Variants in SLC30A8 observed in about 807,000 individuals in gnomAD.
SLC30A8 encodes proton-coupled zinc antiporter SLC30A8.
A neutral mutation model predicts 36.9 loss-of-function variants in SLC30A8; 27 were observed. The observed-to-expected ratio is 0.73, with a 90% CI of 0.54 to 1.01. SLC30A8 has a LOEUF of 1.01. Among genes scored for constraint, SLC30A8 ranks in the 50% least tolerant of loss-of-function variants. SLC30A8 has a pLI of 0.00. For synonymous variants in SLC30A8, 164 were observed against 172.4 expected, an observed-to-expected ratio of 0.95 and a Z score of 0.38; for missense variants, 439 against 452.0, an observed-to-expected ratio of 0.97 and a Z score of 0.26.
intron 2 of SLC30A8, among the ~76,000 whole-genome samples, chr8:117,087,623 A>G (rs1043613980): frequency 7.9e-5 from 12 of 151,326 alleles, no homozygotes; most frequent in African/African-American, 2.7e-4. Flanking sequence ...AGTTTCTGGA[A>G]CTCCAATCTT....
intron 1 of SLC30A8, among the ~76,000 whole-genome samples, chr8:117,143,665 A>AACACACAC (rs58613241): frequency 0.31 from 45,934 of 146,032 alleles, 7,970 homozygotes; most frequent in East Asian, 0.55. Context: ...TCTCCCATAA[A>AACACACAC]ACACACACAC....
intron 2 of SLC30A8, among the ~76,000 whole-genome samples, chr8:117,113,583 C>T (rs1820323247): frequency 6.6e-6 from 1 of 152,120 alleles, no homozygotes; most frequent in African/African-American, 2.4e-5. Flanking sequence ...TAACAATTGC[C>T]TGCATTGTGA....
At chr8:117,152,259 T>G (rs1480014879) in intron 2 of SLC30A8, among the ~76,000 whole-genome samples, 1 of 151,812 alleles carries the variant, frequency 6.6e-6, no homozygotes, top group Non-Finnish European at 1.5e-5. Flanking sequence ...AGGCTGGAGG[T>G]CTTTTCTCAA....
rs1390713341 is a variant in SLC30A8, at chr8:117,150,289, T to C, written c.272-2655T>C. ...CCAGCAATGGGACACATGGCTAACG[T>C]TGTCAGATAAACATTCTTTCATTGC... On this transcript the variant is annotated intron_variant, in intron 2 of 7. Transcript: ENST00000456015. Among the ~76,000 whole-genome samples the C allele has an allele frequency of 2.6e-5, 4 of 152,194 alleles. No individual in the cohort carries two copies. The South Asian group carries it at 8.3e-4, about 32-fold the overall frequency.
At chr8:117,170,778 T>TA (rs1823335485) in intron 6 of SLC30A8, among the ~76,000 whole-genome samples, 1 of 152,192 alleles carries the variant, frequency 6.6e-6, no homozygotes, top group Non-Finnish European at 1.5e-5. Flanking sequence ...TTTAATAGTA[T>TA]ACCATAAAAA....
intron 2 of SLC30A8, among the ~76,000 whole-genome samples, chr8:117,080,441 T>C (rs1458184239): frequency 6.6e-6 from 1 of 152,148 alleles, no homozygotes; most frequent in African/African-American, 2.4e-5. Context: ...AACGATTGAC[T>C]CTCTTACCCA....
At chr8:117,074,131 A>C (rs1818419351) in intron 2 of SLC30A8, among the ~76,000 whole-genome samples, 1 of 152,024 alleles carries the variant, frequency 6.6e-6, no homozygotes, top group South Asian at 2.1e-4. Context: ...GGTAATAACT[A>C]CCTAAAGGTC....
Position 117,024,810 on chromosome 8 carries a change from C to A in SLC30A8, c.-265-14409C>A, listed in dbSNP as rs114708351. On this transcript the variant is annotated intron_variant, in intron 1 of 10. Coordinates refer to the SLC30A8 transcript ENST00000427715. ...ATTATTTGTTTTTTTTAATTTTTTT[C>A]CAAGTTTTATTTTAAGCTCCAGGGT... Among the ~76,000 whole-genome samples, 290 of 151,760 alleles carry A rather than the reference C, an allele frequency of 1.9e-3. 2 individuals carry two copies. The highest frequency in any genetic ancestry group is 6.2e-3 in the African/African-American group (258 of 41,362).
chr8:117,105,240 A>C (rs1819935315), intron 2 of SLC30A8, among the ~76,000 whole-genome samples: 1 of 152,136 alleles, frequency 6.6e-6, no homozygotes, highest in Non-Finnish European at 1.5e-5. Context: ...AACGCCTCTG[A>C]CATTTCTATT....
intron 2 of SLC30A8, among the ~76,000 whole-genome samples, chr8:117,114,211 T>C (rs1820347111): frequency 6.6e-6 from 1 of 152,102 alleles, no homozygotes. Context: ...TCCTACTGCT[T>C]GTCTACATTT....
chr8:117,051,261 A>G (rs1817698084), intron 2 of SLC30A8, among the ~76,000 whole-genome samples: 1 of 152,206 alleles, frequency 6.6e-6, no homozygotes, highest in Non-Finnish European at 1.5e-5. Context: ...TTTGAGATTT[A>G]TGGGGCCATT....
intron 1 of SLC30A8, among the ~76,000 whole-genome samples, chr8:117,003,175 A>G (rs1039315936): frequency 6.6e-6 from 1 of 152,228 alleles, no homozygotes. Context: ...CAGTAAATGT[A>G]AAACTCAGGC....
intron 2 of SLC30A8, among the ~76,000 whole-genome samples, chr8:117,101,005 A>C (rs761748494): frequency 5.3e-5 from 8 of 152,300 alleles, no homozygotes; most frequent in Non-Finnish European, 1.0e-4. Flanking sequence ...CATGTATAGC[A>C]AGATGTAGGA....
rs142881350 is a variant in SLC30A8, at chr8:117,152,258, G to GTCTT, written c.272-684_272-681dup. Among the ~76,000 whole-genome samples, 95 of 152,264 alleles carry GTCTT rather than the reference G, an allele frequency of 6.2e-4. 2 individuals carry two copies. In the East Asian group the frequency reaches 0.016, roughly 26 times the overall value. On this transcript the variant is annotated intron_variant, in intron 2 of 7. Coordinates refer to ENST00000456015, the MANE Select transcript of SLC30A8 (RefSeq NM_173851.3). Reference sequence around the variant, plus strand: ...TTAACTTCTATTTTGGAGGCTGGAGGTCTTTTCTCAAAGGAGGATTAGAGG... The same window carrying GTCTT: ...TTAACTTCTATTTTGGAGGCTGGAGGTCTTTCTTTTCTCAAAGGAGGATTAGAGG...
chr8:117,032,082 G>A (rs140012912), intron 1 of SLC30A8, among the ~76,000 whole-genome samples: 3 of 151,870 alleles, frequency 2.0e-5, no homozygotes, highest in Non-Finnish European at 2.9e-5. Context: ...AGCACCTTAC[G>A]CCTCAGCCCA....
chr8:117,162,173 G>A (rs1000471468), intron 5 of SLC30A8, among the ~76,000 whole-genome samples: 1 of 152,176 alleles, frequency 6.6e-6, no homozygotes, highest in African/African-American at 2.4e-5. Flanking sequence ...CTCCTAGACA[G>A]ACATCAAAGT....
intron 2 of SLC30A8, among the ~76,000 whole-genome samples, chr8:117,112,060 A>G (rs1820250214): frequency 6.6e-6 from 1 of 152,112 alleles, no homozygotes; most frequent in Admixed American, 6.5e-5. Flanking sequence ...AAAAAAGAGG[A>G]TGACATTTCT....
At chr8:117,097,428 A>AAAAAT (rs1563593887) in intron 2 of SLC30A8, among the ~76,000 whole-genome samples, 3 of 117,182 alleles carry the variant, frequency 2.6e-5, no homozygotes, top group African/African-American at 1.1e-4. Flanking sequence ...AATATATATA[A>AAAAAT]ATATATATAA....
intron 2 of SLC30A8, among the ~76,000 whole-genome samples, chr8:117,123,441 A>G (rs1330499226): frequency 6.6e-6 from 1 of 152,046 alleles, no homozygotes; most frequent in East Asian, 1.9e-4. Context: ...ATTAATTAGA[A>G]ACCTGAACTA....
Sources: gnomAD v4.1 joint callset for allele counts (sites outside exome capture counted in the v4.1 genomes callset) on GRCh38, gnomAD v4.1.1 for gene constraint, MANE v1.5 for transcripts, NCBI Gene and HGNC (gene_info 2026-07-23, HGNC 2026-07-21) for gene names.